GALNTL6: variants seen among roughly 807,000 people sequenced by gnomAD.
GALNTL6 encodes polypeptide N-acetylgalactosaminyltransferase like 6.
Under a neutral mutation model 73.7 loss-of-function variants are expected in GALNTL6, and 46 were observed. That is an observed-to-expected ratio of 0.62 (90% CI 0.49 to 0.80). The LOEUF (loss-of-function observed/expected upper bound fraction) is 0.80. Ranked by LOEUF, GALNTL6 falls within the 30% of genes least tolerant of loss-of-function variation. GALNTL6 has a pLI of 0.00. For synonymous variants in GALNTL6, 259 were observed against 263.7 expected, an observed-to-expected ratio of 0.98 and a Z score of 0.17; for missense variants, 604 against 755.0, an observed-to-expected ratio of 0.80 and a Z score of 2.34.
At chr4:172,774,775 C>T (rs1270522720) in intron 5 of GALNTL6, among the ~76,000 whole-genome samples, 3 of 151,998 alleles carry the variant, frequency 2.0e-5, no homozygotes. Flanking sequence ...GCCTGGGCAA[C>T]ACGGTGAAAC....
intron 5 of GALNTL6, among the ~76,000 whole-genome samples, chr4:172,665,371 A>G (rs1054863833): frequency 6.6e-6 from 1 of 152,240 alleles, no homozygotes; most frequent in Admixed American, 6.5e-5. Flanking sequence ...GCACTGCCTC[A>G]AATCTTCTGC....
chr4:172,284,876 A>G (rs1739193305), intron 3 of GALNTL6, among the ~76,000 whole-genome samples: 1 of 152,048 alleles, frequency 6.6e-6, no homozygotes, highest in South Asian at 2.1e-4. Context: ...ACCACACAAT[A>G]TGATGCCTCT....
At chr4:172,846,594 T>G (rs1251460091) in intron 7 of GALNTL6, among the ~76,000 whole-genome samples, 1 of 152,124 alleles carries the variant, frequency 6.6e-6, no homozygotes, top group Non-Finnish European at 1.5e-5. Flanking sequence ...TCCTGTAAAG[T>G]GGATTTCAGT....
intron 5 of GALNTL6, among the ~76,000 whole-genome samples, chr4:172,593,769 G>T (rs1182764362): frequency 6.6e-6 from 1 of 150,996 alleles, no homozygotes; most frequent in Admixed American, 6.6e-5. Flanking sequence ...CGCTCTTGTT[G>T]CCCAGGCTGG....
intron 5 of GALNTL6, among the ~76,000 whole-genome samples, chr4:172,598,272 A>G (rs375835665): frequency 1.3e-5 from 2 of 152,126 alleles, no homozygotes; most frequent in African/African-American, 4.8e-5. Context: ...TTTTTCTTGG[A>G]AAATCAAATA....
chr4:172,981,271 G>A (rs1477990601), intron 10 of GALNTL6, among the ~76,000 whole-genome samples: 3 of 152,152 alleles, frequency 2.0e-5, no homozygotes, highest in Non-Finnish European at 2.9e-5. Context: ...TTGAGGAAAC[G>A]TTAAACTTTT....
chr4:172,167,489 A>C (rs143469074), intron 2 of GALNTL6, among the ~76,000 whole-genome samples: 17 of 152,374 alleles, frequency 1.1e-4, no homozygotes, highest in Admixed American at 4.6e-4. Context: ...GTAATGAGTC[A>C]TTATAAAATC....
chr4:172,254,937 G>A (rs936202805), intron 3 of GALNTL6, among the ~76,000 whole-genome samples: 7 of 151,384 alleles, frequency 4.6e-5, no homozygotes, highest in African/African-American at 1.2e-4. Flanking sequence ...GAAGTTATTC[G>A]GTCATTTACA....
chr4:172,404,471 C>T (rs1299191350), intron 5 of GALNTL6, among the ~76,000 whole-genome samples: 1 of 152,014 alleles, frequency 6.6e-6, no homozygotes, highest in Non-Finnish European at 1.5e-5. Context: ...AAAATAATTT[C>T]GTTCAAAAAT....
chr4:172,313,120 C>A (rs562510026), intron 4 of GALNTL6, among the ~76,000 whole-genome samples: 1 of 140,770 alleles, frequency 7.1e-6, no homozygotes, highest in South Asian at 2.3e-4. Flanking sequence ...GTTCCCCCCC[C>A]CACCCCCACA....
At chr4:172,393,174 C>T (rs1368296303) in intron 5 of GALNTL6, among the ~76,000 whole-genome samples, 1 of 152,166 alleles carries the variant, frequency 6.6e-6, no homozygotes, top group East Asian at 1.9e-4. Flanking sequence ...AAAAAGGGAG[C>T]CGCTGCTATA....
At chr4:172,242,615 T>G (rs1417370335) in intron 3 of GALNTL6, among the ~76,000 whole-genome samples, 8 of 152,350 alleles carry the variant, frequency 5.3e-5, no homozygotes, top group Non-Finnish European at 1.0e-4. Flanking sequence ...TTCTATGAAA[T>G]TATGTCTTTT....
chr4:172,935,962 G>A (rs745515540), intron 9 of GALNTL6, among the ~76,000 whole-genome samples: 4 of 152,094 alleles, frequency 2.6e-5, no homozygotes, highest in Non-Finnish European at 4.4e-5. Flanking sequence ...ACCAAAACCT[G>A]GCAGAGACAC....
At chr4:172,749,759 A>G (rs758148836) in intron 5 of GALNTL6, among the ~76,000 whole-genome samples, 1 of 151,990 alleles carries the variant, frequency 6.6e-6, no homozygotes, top group South Asian at 2.1e-4. Context: ...AAGAATTAGC[A>G]TCTTAATATT....
intron 5 of GALNTL6, among the ~76,000 whole-genome samples, chr4:172,349,439 T>C (rs1221602343): frequency 6.6e-6 from 1 of 152,172 alleles, no homozygotes; most frequent in Non-Finnish European, 1.5e-5. Context: ...TATTCTTATG[T>C]CTCAAAAGAG....
chr4:172,988,852 G>A (rs1274400832), intron 10 of GALNTL6, among the ~76,000 whole-genome samples: 2 of 152,250 alleles, frequency 1.3e-5, no homozygotes, highest in East Asian at 1.9e-4. Context: ...TAAGTCTGCA[G>A]GTGCACAGAA....
chr4:172,387,958 C>T, intron 5 of GALNTL6, among the ~76,000 whole-genome samples: 1 of 152,078 alleles, frequency 6.6e-6, no homozygotes, highest in East Asian at 1.9e-4. Flanking sequence ...TACATTTCCA[C>T]TCCACAATCT....
chr4:172,746,185 C>T (rs139513457), intron 5 of GALNTL6, among the ~76,000 whole-genome samples: 128 of 152,034 alleles, frequency 8.4e-4, no homozygotes, highest in African/African-American at 2.6e-3. Context: ...TTTTGTTAGG[C>T]AGGTTAGTCA....
chr4:172,240,659 A>G (rs1036350731), intron 3 of GALNTL6, among the ~76,000 whole-genome samples: 3 of 152,198 alleles, frequency 2.0e-5, no homozygotes, highest in African/African-American at 7.2e-5. Flanking sequence ...ATTGTATTAT[A>G]AAATTCTTGT....
Sources: allele counts gnomAD v4.1 joint callset (sites outside exome capture counted in the v4.1 genomes callset), GRCh38; gene constraint gnomAD v4.1.1; transcripts MANE v1.5; gene names NCBI Gene and HGNC (gene_info 2026-07-23, HGNC 2026-07-21).